Variants in RREB1 observed in about 807,000 individuals in gnomAD.
The protein encoded by RREB1 is ras-responsive element-binding protein 1.
RREB1 carries 27 observed loss-of-function variants against 117.8 expected under a neutral mutation model. The ratio of observed to expected loss-of-function variants is 0.23; its 90% CI spans 0.17 to 0.32. The LOEUF (loss-of-function observed/expected upper bound fraction) is 0.32, where lower values mean the gene tolerates loss of function less well. RREB1 is among the 10% of genes least tolerant of loss of function. RREB1 has a pLI of 1.00. For missense variants in RREB1, 2,577 were observed against 2,378.2 expected (o/e 1.08, Z -1.74); for synonymous variants, 1,298 against 1,026.7 (o/e 1.26, Z -5.05).
At chr6:7,174,194 G>T (rs1764383062) in intron 1 of RREB1, among the ~76,000 whole-genome samples, 1 of 147,858 alleles carries the variant, frequency 6.8e-6, no homozygotes, top group Non-Finnish European at 1.5e-5. Context: ...TGGAGGTAAG[G>T]GGTGTCTTAG....
Position 7,246,929 on chromosome 6 carries a change from C to A in RREB1, c.4479C>A (p.Ala1493=), listed in dbSNP as rs931130666. The change falls in exon 12 of 13, where the codon GCC becomes GCA. Residue 1493 remains alanine, a synonymous_variant. Coordinates refer to ENST00000379938, the MANE Select transcript of RREB1 (RefSeq NM_001003699.4). ...CTGCAGAGGAGGGGCCCCAGCCCGC[C>A]CCTGAACAGGAGGAGAAGCCCCCCG... ...ASTAEEGPQP[A]PEQEEKPPET... is the part of the protein sequence containing the mutation. The A allele has an allele frequency of 1.2e-4, 184 of 1,556,694 alleles. No homozygotes were observed. Among genetic ancestry groups the A allele is most frequent in the Non-Finnish European group, 1.5e-4 (177 of 1,151,394 alleles).
At chr6:7,222,827 G>T (rs1326148756) in intron 8 of RREB1, among the ~76,000 whole-genome samples, 3 of 152,032 alleles carry the variant, frequency 2.0e-5, no homozygotes, top group African/African-American at 7.2e-5. Context: ...AACCATAGAG[G>T]TGCAGTAAAT....
intron 1 of RREB1, among the ~76,000 whole-genome samples, chr6:7,131,063 G>A (rs560205481): frequency 1.4e-3 from 202 of 149,008 alleles, no homozygotes; most frequent in African/African-American, 4.4e-3. Flanking sequence ...CTCAGCCTCC[G>A]GAGTAGGTGG....
rs543923954 is a variant in RREB1, at chr6:7,171,805, A to G, written c.-284-4850A>G. On this transcript the variant is annotated intron_variant, in intron 1 of 12. Coordinates refer to ENST00000379938, the MANE Select transcript of RREB1 (RefSeq NM_001003699.4). ...TGGCCATGAGGGATGAGGTCAGGAG[A>G]GGGGTGCAGGCAGATATTCTGGGGC... 6.6e-4 allele frequency among the ~76,000 whole-genome samples: 101 copies of G among 152,170 alleles called. 1 individual carries two copies. The highest frequency in any genetic ancestry group is 1.2e-3 in the Non-Finnish European group (82 of 68,002).
chr6:7,239,388 C>T (rs1561804339), intron 10 of RREB1, among the ~76,000 whole-genome samples: 1 of 152,204 alleles, frequency 6.6e-6, no homozygotes, highest in Non-Finnish European at 1.5e-5. Context: ...CCTGAAGGCC[C>T]CTGATCCCCT....
intron 5 of RREB1, among the ~76,000 whole-genome samples, chr6:7,188,252 TGCGC>T (rs560384427): frequency 1.4e-5 from 2 of 147,582 alleles, no homozygotes; most frequent in South Asian, 2.1e-4. Context: ...TGTGTGTGTG[TGCGC>T]GCGCGCACGT....
intron 12 of RREB1, among the ~76,000 whole-genome samples, chr6:7,248,208 C>T (rs906889240): frequency 6.6e-6 from 1 of 152,222 alleles, no homozygotes; most frequent in African/African-American, 2.4e-5. Context: ...AGTCTCTGGT[C>T]GAGGCCAGTC....
At chr6:7,201,096 G>A (rs927713826) in intron 6 of RREB1, among the ~76,000 whole-genome samples, 2 of 152,192 alleles carry the variant, frequency 1.3e-5, no homozygotes, top group East Asian at 3.9e-4. Flanking sequence ...GGATGGGCTT[G>A]CTGGGGGTAG....
chr6:7,211,075 C>G (rs527318427), intron 7 of RREB1, 127 bp downstream of exon 7: 2 of 920,522 alleles, frequency 2.2e-6, no homozygotes, highest in East Asian at 5.0e-5. Flanking sequence ...TGTGTTTTCC[C>G]ATACTGTTTC....
chr6:7,165,482 CT>C (rs1347530404), intron 1 of RREB1, among the ~76,000 whole-genome samples: 1 of 152,158 alleles, frequency 6.6e-6, no homozygotes, highest in African/African-American at 2.4e-5. Context: ...AGAAGCAGGA[CT>C]TGGTTTCAAA....
At chr6:7,118,727 A>G (rs906745122) in intron 1 of RREB1, among the ~76,000 whole-genome samples, 2 of 150,364 alleles carry the variant, frequency 1.3e-5, no homozygotes, top group African/African-American at 4.9e-5. Flanking sequence ...GTGATTCAGT[A>G]TGAGATTTAG....
In RREB1 at chr6:7,246,405, C is replaced by T. The variant is rs562298019; in HGVS notation, c.3974-19C>T. ...TGGTGGTGCCCCTCTGAGCCCTCCCCGCTGTGCTTGCCCCACAGACAGTCA... is the reference window on the plus strand; with the variant it reads ...TGGTGGTGCCCCTCTGAGCCCTCCCTGCTGTGCTTGCCCCACAGACAGTCA... On this transcript the variant is annotated intron_variant, in intron 11 of 12. Coordinates refer to ENST00000379938, the MANE Select transcript of RREB1 (RefSeq NM_001003699.4). The T allele has an allele frequency of 1.9e-5, 28 of 1,463,126 alleles. No individual in the cohort carries two copies. In the African/African-American group the frequency reaches 3.2e-4, roughly 17 times the overall value. 90.6% of individuals were successfully genotyped at this position (1,463,126 alleles called of 1,614,324 possible).
intron 1 of RREB1, among the ~76,000 whole-genome samples, chr6:7,133,666 G>T (rs914328269): frequency 6.6e-6 from 1 of 152,052 alleles, no homozygotes; most frequent in Non-Finnish European, 1.5e-5. Context: ...TAGTCCTAAG[G>T]ATTAAAAATT....
intron 10 of RREB1, among the ~76,000 whole-genome samples, chr6:7,240,069 T>C (rs557787995): frequency 3.1e-4 from 47 of 152,262 alleles, no homozygotes; most frequent in Non-Finnish European, 5.3e-4. Context: ...TTAGAGGGCG[T>C]CTTTCTCTTT....
chr6:7,167,924 G>C (rs1414705122), intron 1 of RREB1, among the ~76,000 whole-genome samples: 1 of 152,100 alleles, frequency 6.6e-6, no homozygotes, highest in Admixed American at 6.5e-5. Context: ...GAGTTCGGTG[G>C]CTCCATTGAT....
At chr6:7,170,325 C>T (rs1041172480) in intron 1 of RREB1, among the ~76,000 whole-genome samples, 1 of 152,176 alleles carries the variant, frequency 6.6e-6, no homozygotes. Flanking sequence ...CCCAGGGCTG[C>T]GTGTCTCCCC....
Position 7,226,514 on chromosome 6 carries a change from G to C in RREB1, c.755G>C (p.Arg252Pro). 6.2e-7 allele frequency: 1 copy of C among 1,614,048 alleles called. No homozygotes were observed. Among genetic ancestry groups the C allele is most frequent in the Non-Finnish European group, 8.5e-7 (1 of 1,179,980 alleles). ...TTTCGAACACATCGAGGACTGCTGC[G>C]TCACAACGCGCTTGTCCACAAACAA... ...VTFRTHRGLL[R>P]HNALVHKQLP... The change falls in exon 9 of 13, where the codon CGT becomes CCT. Residue 252 changes from arginine (R) to proline (P), a missense_variant. By Grantham distance (103) the Arg-to-Pro change is moderately radical (BLOSUM62 -2). Coordinates refer to ENST00000379938, the MANE Select transcript of RREB1 (RefSeq NM_001003699.4).
At chr6:7,132,361 G>C (rs984686584) in intron 1 of RREB1, among the ~76,000 whole-genome samples, 1 of 111,258 alleles carries the variant, frequency 9.0e-6, no homozygotes, top group Non-Finnish European at 2.5e-5. Flanking sequence ...AGCCGAGATT[G>C]GGTTTTACTG....
intron 8 of RREB1, among the ~76,000 whole-genome samples, chr6:7,223,543 A>G (rs1767394644): frequency 1.0e-5 from 1 of 98,952 alleles, no homozygotes; most frequent in African/African-American, 6.4e-5. Flanking sequence ...CCTGGGCAAC[A>G]AAACAAAACT....
Sources: gnomAD v4.1 joint callset for allele counts (sites outside exome capture counted in the v4.1 genomes callset) on GRCh38, gnomAD v4.1.1 for gene constraint, MANE v1.5 for transcripts, NCBI Gene and HGNC (gene_info 2026-07-23, HGNC 2026-07-21) for gene names.